The following SH3BP5 variants were observed in gnomAD, a reference collection of about 807,000 sequenced individuals.
The protein encoded by SH3BP5 is SH3 domain binding protein 5, also known as SH3 domain-binding protein 5.
Under a neutral mutation model 43.3 loss-of-function variants are expected in SH3BP5, and 22 were observed. The ratio of observed to expected loss-of-function variants is 0.51; its 90% CI spans 0.36 to 0.73. The LOEUF is 0.73. Ranked by LOEUF, SH3BP5 falls within the 30% of genes least tolerant of loss-of-function variation. The pLI, the probability that SH3BP5 is intolerant of heterozygous loss-of-function variation, is 0.00. For missense variants in SH3BP5, 529 were observed against 586.9 expected (o/e 0.90, Z 1.02); for synonymous variants, 255 against 225.8 (o/e 1.13, Z -1.16).
intron 3 of SH3BP5, among the ~76,000 whole-genome samples, chr3:15,285,358 A>T (rs1697235335): frequency 1.3e-5 from 2 of 152,172 alleles, no homozygotes; most frequent in African/African-American, 4.8e-5. Flanking sequence ...ATGTCATATG[A>T]ACGCCATTCT....
intron 5 of SH3BP5, among the ~76,000 whole-genome samples, 198 bp downstream of exon 5, chr3:15,261,961 C>T (rs1372979700): frequency 6.6e-6 from 1 of 152,154 alleles, no homozygotes; most frequent in Non-Finnish European, 1.5e-5. Flanking sequence ...AGCAGCCCAC[C>T]CCTTAGCATC....
chr3:15,321,550 C>G (rs764994862), intron 2 of SH3BP5, among the ~76,000 whole-genome samples: 3 of 151,520 alleles, frequency 2.0e-5, no homozygotes, highest in Admixed American at 1.3e-4. Context: ...TCATTCCCCA[C>G]CCCCATCCCA....
At chr3:15,334,524 T>C (rs552566692), upstream of SH3BP5, among the ~76,000 whole-genome samples, 1 of 151,638 alleles carries the variant, frequency 6.6e-6, no homozygotes, top group Non-Finnish European at 1.5e-5. Context: ...AGGCCGGGAG[T>C]TCCAGACCAG....
At chr3:15,321,614 A>T (rs1218599167) in intron 2 of SH3BP5, among the ~76,000 whole-genome samples, 1 of 146,648 alleles carries the variant, frequency 6.8e-6, no homozygotes, top group Admixed American at 6.8e-5. Context: ...CCAAGAAATG[A>T]AAACTAAAAA....
chr3:15,306,518 A>G (rs1015370586), intron 2 of SH3BP5, among the ~76,000 whole-genome samples: 11 of 103,612 alleles, frequency 1.1e-4, no homozygotes, highest in Admixed American at 1.0e-3. Context: ...AAACAAAAAC[A>G]AAAGAAAAGA....
chr3:15,332,749 G>GC (rs911700419), upstream of SH3BP5: 6 of 781,960 alleles, frequency 7.7e-6, no homozygotes, highest in African/African-American at 3.7e-5. Context: ...AAATAGGACA[G>GC]CCCCCACCCC....
chr3:15,277,990 G>A (rs56798302), intron 3 of SH3BP5, among the ~76,000 whole-genome samples: 6,246 of 152,298 alleles, frequency 0.041, 425 homozygotes, highest in African/African-American at 0.14. Context: ...CTGCAGGCAC[G>A]GGGTGGCAGG....
At chr3:15,309,909 C>G (rs115492685) in intron 2 of SH3BP5, among the ~76,000 whole-genome samples, 31 of 108,328 alleles carry the variant, frequency 2.9e-4, no homozygotes, top group South Asian at 9.1e-4. Context: ...CCGCTCCACC[C>G]CCCCCCCATA....
At chr3:15,299,055 T>A (rs1010758322) in intron 3 of SH3BP5, among the ~76,000 whole-genome samples, 3 of 152,094 alleles carry the variant, frequency 2.0e-5, no homozygotes, top group Non-Finnish European at 4.4e-5. Flanking sequence ...AAAAGAAGGG[T>A]TGGGACTGAT....
In SH3BP5 at chr3:15,265,512, T is replaced by TCACACACACACACACACACACACA. The variant is rs368955496; in HGVS notation, c.496-3247_496-3224dup. 4.8e-3 allele frequency among the ~76,000 whole-genome samples: 516 copies of TCACACACACACACACACACACACA among 107,956 alleles called. 13 individuals carry two copies. The highest frequency in any genetic ancestry group is 8.5e-3 in the African/African-American group (206 of 24,098). The allele number at this position is 107,956 out of a possible 152,430, so 70.8% of individuals were successfully genotyped here. ...GCCTGAGCTACAGGGCGAGACTCCG[T>TCACACACACACACACACACACACA]CACACACACACACACACACACACAC... On this transcript the variant is annotated intron_variant, in intron 4 of 8. Coordinates refer to ENST00000383791, the MANE Select transcript of SH3BP5 (RefSeq NM_004844.5).
chr3:15,262,125 G>A (rs940228168), intron 5 of SH3BP5, 34 bp downstream of exon 5: 21 of 1,611,178 alleles, frequency 1.3e-5, no homozygotes, highest in Middle Eastern at 1.6e-4. Flanking sequence ...TAGGACAGCC[G>A]CACGGCCCCA....
At chr3:15,320,974 A>G (rs145554301) in intron 2 of SH3BP5, among the ~76,000 whole-genome samples, 1 of 152,298 alleles carries the variant, frequency 6.6e-6, no homozygotes, top group Non-Finnish European at 1.5e-5. Context: ...TATCTTGTTG[A>G]TATTTGTAGC....
upstream of SH3BP5, among the ~76,000 whole-genome samples, chr3:15,336,666 G>C (rs1161663533): frequency 1.3e-5 from 2 of 152,106 alleles, no homozygotes; most frequent in African/African-American, 4.8e-5. Context: ...TATTATAATC[G>C]CCAGGTTGCG....
At chr3:15,332,129 C>T in intron 1 of SH3BP5, 142 bp downstream of exon 1, 1 of 1,323,222 alleles carries the variant, frequency 7.6e-7, no homozygotes, top group Non-Finnish European at 1.0e-6. Flanking sequence ...ACGGAGCATA[C>T]AGACCGTCTC....
chr3:15,317,994 G>C (rs1041250074), intron 2 of SH3BP5, among the ~76,000 whole-genome samples: 1 of 152,170 alleles, frequency 6.6e-6, no homozygotes, highest in Non-Finnish European at 1.5e-5. Context: ...AACTATTTAA[G>C]GGTATGGGCT....
intron 1 of SH3BP5, among the ~76,000 whole-genome samples, chr3:15,340,271 T>C (rs559139327): frequency 6.6e-6 from 1 of 152,310 alleles, no homozygotes; most frequent in South Asian, 2.1e-4. Flanking sequence ...CTCTGGAAGA[T>C]AAAACTTAAA....
intron 3 of SH3BP5, among the ~76,000 whole-genome samples, chr3:15,285,122 C>A (rs1697229590): frequency 6.6e-6 from 1 of 152,140 alleles, no homozygotes; most frequent in Non-Finnish European, 1.5e-5. Flanking sequence ...TGGTACACTG[C>A]AAATGTTTAA....
intron 2 of SH3BP5, among the ~76,000 whole-genome samples, chr3:15,329,720 T>TG (rs1698562136): frequency 6.6e-6 from 1 of 152,228 alleles, no homozygotes; most frequent in East Asian, 1.9e-4. Context: ...CTCCCTGCAT[T>TG]GGGAAACTGC....
At chr3:15,292,217 C>G (rs1441105161) in intron 3 of SH3BP5, among the ~76,000 whole-genome samples, 1 of 152,198 alleles carries the variant, frequency 6.6e-6, no homozygotes, top group African/African-American at 2.4e-5. Context: ...AAGGAAACAT[C>G]TGAAGAGCAT....
Sources: gnomAD v4.1 joint callset for allele counts (sites outside exome capture counted in the v4.1 genomes callset) on GRCh38, gnomAD v4.1.1 for gene constraint, MANE v1.5 for transcripts, NCBI Gene and HGNC (gene_info 2026-07-23, HGNC 2026-07-21) for gene names.